The following ZNF740 variants were observed in gnomAD, a reference collection of about 807,000 sequenced individuals.
ZNF740 encodes zinc finger protein 740.
ZNF740 carries 14 observed loss-of-function variants against 24.8 expected under a neutral mutation model. The observed-to-expected ratio is 0.56, with a 90% CI of 0.37 to 0.88. The LOEUF (loss-of-function observed/expected upper bound fraction) is 0.88. ZNF740 is among the 40% of genes least tolerant of loss of function. The pLI, the probability that ZNF740 is intolerant of heterozygous loss-of-function variation, is 0.00. For synonymous variants in ZNF740, 69 were observed against 84.0 expected (o/e 0.82, Z 0.98); for missense variants, 201 against 247.9 (o/e 0.81, Z 1.27).
rs1941851223 is a variant in ZNF740 at position 53,187,733 on chromosome 12, CA to C, written c.*144del. 1.5e-6 allele frequency: 1 copy of C among 650,202 alleles called. No individual in the cohort carries two copies. Among genetic ancestry groups the C allele is most frequent in the Admixed American group, 2.7e-5 (1 of 37,126 alleles). 40.3% of individuals were successfully genotyped at this position (650,202 alleles called of 1,614,324 possible). On this transcript the variant is annotated 3_prime_UTR_variant, in exon 7 of 7. Transcript: ENST00000416904. ...GACCCAGGAGACCAGAAGAGTGCAT[CA>C]GGGGACAGTGGCCCCAGAACCTCAG...
At position 53,187,588 on chromosome 12, in the gene ZNF740, T is replaced by C; in HGVS notation, c.580T>C (p.Ter194GlnextTer23). The C allele has an allele frequency of 1.9e-6, 3 of 1,613,822 alleles. No homozygotes were observed. The highest frequency in any genetic ancestry group is 2.2e-5 in the East Asian group (1 of 44,878). The change falls in exon 7 of 7, where the codon TAG becomes CAG. Residue 194 changes from the stop codon to glutamine (Q), a stop_lost. Transcript: ENST00000416904. The stretch of plus-strand genomic sequence containing the variant: ...GACTTCCGACGGGCAGTTTTCTCTA[T>C]AGGCGCAAGGGGCCCCGGGTGGTGG... Reference protein sequence around the residue: ...SKTSDGQFSL* With the variant: ...SKTSDGQFSLQ
Position 53,191,815 on chromosome 12 carries a change from TGGG to T in ZNF740, c.*4228_*4230del, listed in dbSNP as rs1565696736. On this transcript the variant is annotated 3_prime_UTR_variant, in exon 7 of 7. Coordinates refer to ENST00000416904, the MANE Select transcript of ZNF740 (RefSeq NM_001004304.4). Reference sequence around the variant, plus strand: ...GGAGGAATCAGGGCTGGTCTTGTGGTGGGGGAACAGCTAAAAAGGGGCCTAACC... The same window carrying T: ...GGAGGAATCAGGGCTGGTCTTGTGGTGGAACAGCTAAAAAGGGGCCTAACC... 1.2e-6 allele frequency: 2 copies of T among 1,610,890 alleles called. No homozygotes were observed. The highest frequency in any genetic ancestry group is 1.7e-6 in the Non-Finnish European group (2 of 1,178,060).
At position 53,194,224 on chromosome 12, in the gene ZNF740, A is replaced by C; in HGVS notation, c.*6634A>C. ...GTCTGGTTGATTCGGACGTGGTTGC[A>C]CTGTCCTCGATCCTCAGCCTTACCC... On this transcript the variant is annotated 3_prime_UTR_variant, in exon 7 of 7. Coordinates refer to ENST00000416904, the MANE Select transcript of ZNF740 (RefSeq NM_001004304.4). The C allele has an allele frequency of 6.2e-7, 1 of 1,613,902 alleles. No homozygotes were observed. Among genetic ancestry groups the C allele is most frequent in the Non-Finnish European group, 8.5e-7 (1 of 1,179,956 alleles).
chr12:53,183,878 G>A (rs1031808871), intron 2 of ZNF740, among the ~76,000 whole-genome samples: 3 of 151,942 alleles, frequency 2.0e-5, no homozygotes, highest in South Asian at 4.1e-4. Context: ...AAAAAAAATA[G>A]CCGGGTGTGG....
At chr12:53,184,148 T>TGCGCGCGCGCGCGCGC (rs1191495650) in intron 2 of ZNF740, among the ~76,000 whole-genome samples, 1 of 100,296 alleles carries the variant, frequency 1.0e-5, no homozygotes, top group African/African-American at 3.9e-5. Context: ...TGTGTGTGTG[T>TGCGCGCGCGCGCGCGC]GTGCGCGCGC....
In ZNF740 at chr12:53,181,694, T is replaced by C. The variant is rs1484819532; in HGVS notation, c.-290T>C. The C allele has an allele frequency of 2.2e-6, 1 of 452,248 alleles. No individual in the cohort carries two copies. The highest frequency in any genetic ancestry group is 4.4e-5 in the Admixed American group (1 of 22,908). The allele number at this position is 452,248 out of a possible 1,614,324, so 28.0% of individuals were successfully genotyped here. On this transcript the variant is annotated 5_prime_UTR_variant, in exon 2 of 7. Transcript: ENST00000416904. ...GGTTTCAGGTTTCTGAAACAGATCGTGAGCTTCATCAAGAGAATTCAACTG... is the reference window on the plus strand; with the variant it reads ...GGTTTCAGGTTTCTGAAACAGATCGCGAGCTTCATCAAGAGAATTCAACTG...
chr12:53,193,750 T>C lies in ZNF740; in HGVS notation c.*6160T>C. ...TAGGTGTCCCTGGCCATCACTGCAG[T>C]GGGGAGCCTGGGGCTGGGTGTCACT... On this transcript the variant is annotated 3_prime_UTR_variant, in exon 7 of 7. Transcript: ENST00000416904. The C allele has an allele frequency of 3.7e-6, 6 of 1,613,876 alleles. No homozygotes were observed. The highest frequency in any genetic ancestry group is 4.2e-6 in the Non-Finnish European group (5 of 1,179,936).
Position 53,188,115 on chromosome 12 carries a change from G to T in ZNF740, c.*525G>T, listed in dbSNP as rs1334494008. On this transcript the variant is annotated 3_prime_UTR_variant, in exon 7 of 7. Transcript: ENST00000416904. ...TTTTTAGTTGCAGTAGCTCCTCAGT[G>T]TTTCACAATCCTGCACTTCGCCTCC... The T allele has an allele frequency of 2.5e-5, 4 of 160,566 alleles. No individual in the cohort carries two copies. The highest frequency in any genetic ancestry group is 2.3e-4 in the Admixed American group (4 of 17,198). The allele number at this position is 160,566 out of a possible 1,614,324, so 9.9% of individuals were successfully genotyped here.
Position 53,181,455 on chromosome 12 carries a change from G to A in ZNF740, c.-307-222G>A, listed in dbSNP as rs184128883. On this transcript the variant is annotated intron_variant, in intron 1 of 6. Coordinates refer to ENST00000416904, the MANE Select transcript of ZNF740 (RefSeq NM_001004304.4). ...TCCAAGCAACTTTCCTTTTGGCAGA[G>A]TTCCTCCATAGGAGGCCCCAATTAC... is the stretch of plus-strand genomic sequence containing the variant. The A allele has an allele frequency of 4.8e-4, 477 of 985,450 alleles. No homozygotes were observed. In the African/African-American group the frequency reaches 7.9e-3, roughly 16 times the overall value. 61.0% of individuals were successfully genotyped at this position (985,450 alleles called of 1,614,324 possible).
Position 53,192,895 on chromosome 12 carries a change from T to C in ZNF740, c.*5305T>C. 1.2e-6 allele frequency: 2 copies of C among 1,613,894 alleles called. No homozygotes were observed. The highest frequency in any genetic ancestry group is 4.5e-5 in the East Asian group (2 of 44,892). ...GGCATGACAGTGACATACTCCACAT[T>C]GGCAGCGACCAAAGCCTGGGGTAGA... On this transcript the variant is annotated 3_prime_UTR_variant, in exon 7 of 7. Transcript: ENST00000416904.
At position 53,193,148 on chromosome 12, in the gene ZNF740, A is replaced by C. The variant is rs1281849969; in HGVS notation, c.*5558A>C. On this transcript the variant is annotated 3_prime_UTR_variant, in exon 7 of 7. Transcript: ENST00000416904. ...CCCAAGGCTCCAGGTACCTCCGCAG[A>C]GGATGCCCTCATGTCGCTCACAGCT... 1 of 1,609,222 alleles carries C rather than the reference A, an allele frequency of 6.2e-7. No individual in the cohort carries two copies. Among genetic ancestry groups the C allele is most frequent in the Non-Finnish European group, 8.5e-7 (1 of 1,176,370 alleles).
rs1450379826 is a variant in ZNF740 at position 53,194,411 on chromosome 12, C to G, written c.*6821C>G. 10 of 1,522,542 alleles carry G rather than the reference C, an allele frequency of 6.6e-6. No homozygotes were observed. Among genetic ancestry groups the G allele is most frequent in the South Asian group, 3.5e-5 (3 of 85,228 alleles). The allele number at this position is 1,522,542 out of a possible 1,614,324, so 94.3% of individuals were successfully genotyped here. On this transcript the variant is annotated 3_prime_UTR_variant, in exon 7 of 7. Transcript: ENST00000416904. ...AAGGACTCCAACCCCACCTTATGTC[C>G]TCTCCAGGTGTTCCCAATTCTGCCA...
At position 53,184,883 on chromosome 12, in the gene ZNF740, C is replaced by T; in HGVS notation, c.10-8C>T. 1 of 1,610,300 alleles carries T rather than the reference C, an allele frequency of 6.2e-7. No homozygotes were observed. The highest frequency in any genetic ancestry group is 8.5e-7 in the Non-Finnish European group (1 of 1,178,160). The stretch of plus-strand genomic sequence containing the variant: ...GGTGACCTGACACCTCATCTCCTTT[C>T]AACTTAGGCAAGTCTCCTGGCTTGT... On this transcript the variant is annotated splice_polypyrimidine_tract_variant and splice_region_variant and intron_variant, in intron 2 of 6. Transcript: ENST00000416904.
At chr12:53,187,012 A>G (rs1263963613) in intron 6 of ZNF740, among the ~76,000 whole-genome samples, 1 of 152,178 alleles carries the variant, frequency 6.6e-6, no homozygotes, top group Non-Finnish European at 1.5e-5. Flanking sequence ...GACAAGAACA[A>G]GAGATGAGAA....
intron 1 of ZNF740, chr12:53,181,269 T>A: frequency 8.1e-6 from 8 of 985,370 alleles, no homozygotes; most frequent in Non-Finnish European, 8.4e-6. Flanking sequence ...GCACTGCCAG[T>A]CCCGTTTCTG....
In ZNF740 at chr12:53,192,570, G is replaced by T. The variant is rs774778146; in HGVS notation, c.*4980G>T. ...AGTAGATGCCAATAGGTTACCAGCTGGGCAGTTGTCACCCAATGCCCCTTG... is the reference window on the plus strand; with the variant it reads ...AGTAGATGCCAATAGGTTACCAGCTTGGCAGTTGTCACCCAATGCCCCTTG... On this transcript the variant is annotated 3_prime_UTR_variant, in exon 7 of 7. Coordinates refer to ENST00000416904, the MANE Select transcript of ZNF740 (RefSeq NM_001004304.4). 1.2e-6 allele frequency: 2 copies of T among 1,608,568 alleles called. No individual in the cohort carries two copies. The highest frequency in any genetic ancestry group is 1.7e-6 in the Non-Finnish European group (2 of 1,176,136).
rs1304943294 is a variant in ZNF740, at chr12:53,185,494, C to G, written c.249+18C>G. 3 of 1,608,174 alleles carry G rather than the reference C, an allele frequency of 1.9e-6. No homozygotes were observed. The highest frequency in any genetic ancestry group is 4.5e-5 in the East Asian group (2 of 44,852). Reference sequence around the variant, plus strand: ...TTAAAAAGGCAGGTAATGGGGTGATCCCCCAAACTCATACAGTTTGGTAAT... The same window carrying G: ...TTAAAAAGGCAGGTAATGGGGTGATGCCCCAAACTCATACAGTTTGGTAAT... On this transcript the variant is annotated intron_variant, in intron 4 of 6. Coordinates refer to ENST00000416904, the MANE Select transcript of ZNF740 (RefSeq NM_001004304.4).
At chr12:53,184,150 T>TGTGTGTGTGTGTGTGTGTGTGTGTGC (rs59250662) in intron 2 of ZNF740, among the ~76,000 whole-genome samples, 3 of 104,346 alleles carry the variant, frequency 2.9e-5, no homozygotes, top group South Asian at 3.0e-4. Context: ...TGTGTGTGTG[T>TGTGTGTGTGTGTGTGTGTGTGTGTGC]GCGCGCGCGC....
intron 2 of ZNF740, 41 bp downstream of exon 2, chr12:53,182,033 C>A (rs1348108731): frequency 3.1e-6 from 5 of 1,599,228 alleles, no homozygotes; most frequent in Non-Finnish European, 4.3e-6. Flanking sequence ...AACTGGGAAG[C>A]CTGTTTGCAG....
Sources: gnomAD v4.1 joint callset for allele counts (sites outside exome capture counted in the v4.1 genomes callset) on GRCh38, gnomAD v4.1.1 for gene constraint, MANE v1.5 for transcripts, NCBI Gene and HGNC (gene_info 2026-07-23, HGNC 2026-07-21) for gene names.